The following VCF1 variants were observed in gnomAD, a reference collection of about 807,000 sequenced individuals.
The protein encoded by VCF1 is VCP nuclear cofactor family member 1, also known as protein VCF1.
At chr17:73,217,554 G>A in the VCF1 span, among the ~76,000 whole-genome samples, 1 of 152,088 alleles carries the variant, frequency 6.6e-6, no homozygotes, top group East Asian at 1.9e-4. Context: ...GGAGGCTAAG[G>A]CAGGAGAATC....
the VCF1 span, among the ~76,000 whole-genome samples, chr17:73,226,657 G>A: frequency 6.6e-6 from 1 of 152,222 alleles, no homozygotes; most frequent in Middle Eastern, 3.4e-3. Flanking sequence ...AAAAGTTCCA[G>A]AACACCCAAC....
chr17:73,231,409 CCG>C, the VCF1 span, among the ~76,000 whole-genome samples: 31 of 152,232 alleles, frequency 2.0e-4, no homozygotes, highest in East Asian at 6.0e-3. Context: ...AATTTAAGAC[CCG>C]CGTCCCGAGG....
chr17:73,217,978 GA>G, the VCF1 span, among the ~76,000 whole-genome samples: 1 of 152,192 alleles, frequency 6.6e-6, no homozygotes, highest in Admixed American at 6.5e-5. Flanking sequence ...CCTCCAAAAA[GA>G]AAATAAAAGA....
At chr17:73,220,913 T>TC in the VCF1 span, among the ~76,000 whole-genome samples, 2 of 145,018 alleles carry the variant, frequency 1.4e-5, no homozygotes, top group Non-Finnish European at 1.5e-5. Flanking sequence ...TTTTTTTTTT[T>TC]TTTGAGATGG....
chr17:73,212,611 G>T, the VCF1 span: 1 of 1,314,304 alleles, frequency 7.6e-7, no homozygotes, highest in Non-Finnish European at 1.1e-6. Flanking sequence ...AATGTAGAAT[G>T]GCCACTTGCA....
At chr17:73,222,899 G>A in the VCF1 span, among the ~76,000 whole-genome samples, 5 of 152,268 alleles carry the variant, frequency 3.3e-5, no homozygotes, top group Admixed American at 1.3e-4. Flanking sequence ...GGTCAGGAGC[G>A]TGCAGCCCAA....
the VCF1 span, chr17:73,229,505 C>CA: frequency 1.0e-6 from 1 of 985,410 alleles, no homozygotes; most frequent in African/African-American, 1.7e-5. Flanking sequence ...TTGATTCCAT[C>CA]ACGTTGCATT....
the VCF1 span, chr17:73,207,608 GGTT>G: frequency 1.0e-6 from 1 of 990,152 alleles, no homozygotes; most frequent in Non-Finnish European, 1.4e-6. Flanking sequence ...TGGTGATGAT[GGTT>G]TTATCTTCCC....
chr17:73,232,221 G>C, the VCF1 span: 607 of 1,611,342 alleles, frequency 3.8e-4, 3 homozygotes, highest in African/African-American at 6.1e-3. Context: ...TCTCGCAGCC[G>C]CTCGGGTGGA....
chr17:73,215,255 G>C, the VCF1 span, among the ~76,000 whole-genome samples: 1 of 152,224 alleles, frequency 6.6e-6, no homozygotes, highest in Admixed American at 6.5e-5. Context: ...GAACTGCCAT[G>C]ATACAATCTA....
chr17:73,212,652 G>A, the VCF1 span: 11 of 1,573,982 alleles, frequency 7.0e-6, no homozygotes, highest in Non-Finnish European at 9.5e-6. Context: ...TAACAAACAG[G>A]TCACTACACT....
At chr17:73,216,094 C>T in the VCF1 span, among the ~76,000 whole-genome samples, 7 of 151,960 alleles carry the variant, frequency 4.6e-5, no homozygotes, top group African/African-American at 4.8e-5. Flanking sequence ...TCTATACTTA[C>T]GAGTGGGGAT....
chr17:73,225,806 G>A, the VCF1 span, among the ~76,000 whole-genome samples: 1 of 144,444 alleles, frequency 6.9e-6, no homozygotes, highest in African/African-American at 2.6e-5. Flanking sequence ...ATTAAACAAA[G>A]CTCAATTACC....
chr17:73,232,132 G>C, the VCF1 span: 2 of 1,610,134 alleles, frequency 1.2e-6, no homozygotes, highest in Admixed American at 1.7e-5. Context: ...TGGAAGCTAC[G>C]CGGCGCCGCT....
At chr17:73,214,243 A>AC in the VCF1 span, among the ~76,000 whole-genome samples, 2 of 151,986 alleles carry the variant, frequency 1.3e-5, no homozygotes, top group Non-Finnish European at 2.9e-5. Flanking sequence ...AGTGTCACAC[A>AC]ATCTATAGAT....
chr17:73,232,279 T>C, the VCF1 span: 4 of 1,601,420 alleles, frequency 2.5e-6, 1 homozygote, highest in South Asian at 4.4e-5. Flanking sequence ...CCACCACTAC[T>C]TCCGGCGTCT....
At chr17:73,224,965 C>G in the VCF1 span, among the ~76,000 whole-genome samples, 241 of 61,506 alleles carry the variant, frequency 3.9e-3, no homozygotes, top group Non-Finnish European at 6.3e-3. Context: ...GACAGGACAG[C>G]ACAGCACAGC....
chr17:73,232,008 C>A, the VCF1 span: 1 of 1,447,100 alleles, frequency 6.9e-7, no homozygotes, highest in Non-Finnish European at 9.3e-7. Flanking sequence ...TTGCTCCGAC[C>A]CCCATTTCGC....
chr17:73,222,183 G>GCTC, the VCF1 span, among the ~76,000 whole-genome samples: 1 of 137,028 alleles, frequency 7.3e-6, no homozygotes, highest in Admixed American at 7.7e-5. Flanking sequence ...AGGCAACTGA[G>GCTC]CAAGACCCTG....
Sources: allele counts gnomAD v4.1 joint callset (sites outside exome capture counted in the v4.1 genomes callset), GRCh38; gene constraint gnomAD v4.1.1; transcripts MANE v1.5; gene names NCBI Gene and HGNC (gene_info 2026-07-23, HGNC 2026-07-21).